Variants in KMT2E observed in about 807,000 individuals in gnomAD.
KMT2E encodes histone reader KMT2E.
Under a neutral mutation model 184.6 loss-of-function variants are expected in KMT2E, and 30 were observed. The ratio of observed to expected loss-of-function variants is 0.16; its 90% confidence interval spans 0.12 to 0.22. KMT2E has a LOEUF of 0.22. Ranked by LOEUF, KMT2E falls within the 10% of genes least tolerant of loss-of-function variation. The pLI is 1.00. For synonymous variants in KMT2E, 815 were observed against 776.5 expected (o/e 1.05, Z -0.82); for missense variants, 2,023 against 2,237.4 (o/e 0.90, Z 1.93).
intron 4 of KMT2E, 81 bp downstream of exon 4, chr7:105,062,359 C>T (rs575436852): frequency 2.4e-4 from 201 of 834,898 alleles, no homozygotes; most frequent in Non-Finnish European, 3.6e-4. Context: ...GTGCTTGAAA[C>T]GGCATGTTTG....
At chr7:105,066,255 A>T (rs117431849) in intron 5 of KMT2E, among the ~76,000 whole-genome samples, 5 of 152,036 alleles carry the variant, frequency 3.3e-5, no homozygotes, top group Non-Finnish European at 7.4e-5. Flanking sequence ...ACCTCCTTCT[A>T]TTTCTCAAAA....
intron 6 of KMT2E, among the ~76,000 whole-genome samples, chr7:105,071,604 ATATATT>A (rs1797315214): frequency 1.5e-5 from 1 of 65,230 alleles, no homozygotes; most frequent in Non-Finnish European, 2.8e-5. Context: ...ATATATATAT[ATATATT>A]TTTTTTTTTT....
At chr7:105,036,194 T>G (rs940259242) in intron 1 of KMT2E, among the ~76,000 whole-genome samples, 4 of 151,184 alleles carry the variant, frequency 2.6e-5, no homozygotes, top group Admixed American at 6.6e-5. Context: ...TTTGTTTTTT[T>G]TTTTGGCAGA....
chr7:105,091,284 G>A lies in KMT2E; in HGVS notation c.1692G>A (p.Glu564=). 1 of 1,605,798 alleles carries A rather than the reference G, an allele frequency of 6.2e-7. No homozygotes were observed. Among genetic ancestry groups the A allele is most frequent in the Non-Finnish European group, 8.5e-7 (1 of 1,172,554 alleles). The change falls in exon 15 of 27, where the codon GAG becomes GAA. Residue 564 remains glutamate (E), a synonymous_variant. Coordinates refer to ENST00000311117, the MANE Select transcript of KMT2E (RefSeq NM_182931.3). ...GTAATGAAGTAGAAATGGAATCAGA[G>A]GAGCAGATTGCAGAAAGGAAAAGGA... The part of the protein sequence containing the change: ...PISNEVEMES[E]EQIAERKRKM...
chr7:105,088,197 C>T (rs1238548152), intron 13 of KMT2E, among the ~76,000 whole-genome samples: 2 of 152,192 alleles, frequency 1.3e-5, no homozygotes. Flanking sequence ...GGACCAATTT[C>T]TTCATCACTT....
intron 1 of KMT2E, among the ~76,000 whole-genome samples, chr7:105,035,264 C>G (rs1795596408): frequency 6.6e-6 from 1 of 151,520 alleles, no homozygotes. Flanking sequence ...GATCTCCTGA[C>G]CGTGTGATCT....
chr7:105,018,844 G>T (rs1794826912), intron 1 of KMT2E, among the ~76,000 whole-genome samples: 1 of 152,026 alleles, frequency 6.6e-6, no homozygotes, highest in Non-Finnish European at 1.5e-5. Flanking sequence ...TTAACATGGA[G>T]GAACAGTATT....
intron 3 of KMT2E, among the ~76,000 whole-genome samples, chr7:105,042,281 A>G (rs1795914008): frequency 6.6e-6 from 1 of 152,148 alleles, no homozygotes; most frequent in African/African-American, 2.4e-5. Context: ...ATGAACCACC[A>G]TGCCCAGCCA....
intron 5 of KMT2E, among the ~76,000 whole-genome samples, chr7:105,065,934 G>T (rs529696886): frequency 2.2e-4 from 34 of 152,282 alleles, no homozygotes; most frequent in Non-Finnish European, 3.7e-4. Context: ...TGAGAAATTT[G>T]CCTCAAACTG....
chr7:105,015,878 G>T (rs1794696478), intron 1 of KMT2E, among the ~76,000 whole-genome samples: 2 of 150,056 alleles, frequency 1.3e-5, no homozygotes. Flanking sequence ...AATTTGATTC[G>T]TTTTTCCTGA....
intron 5 of KMT2E, among the ~76,000 whole-genome samples, chr7:105,065,234 G>C (rs934062041): frequency 6.6e-6 from 1 of 152,126 alleles, no homozygotes; most frequent in Non-Finnish European, 1.5e-5. Flanking sequence ...TTTGAAGTCT[G>C]ACATCCACAG....
intron 1 of KMT2E, among the ~76,000 whole-genome samples, chr7:105,022,346 A>T (rs1794989028): frequency 6.6e-6 from 1 of 151,924 alleles, no homozygotes; most frequent in African/African-American, 2.4e-5. Flanking sequence ...CTTTCATGAC[A>T]TTGGAAGGCT....
At chr7:105,036,174 GGTTTTTTTTTTT>G (rs974480017) in intron 1 of KMT2E, among the ~76,000 whole-genome samples, 3 of 143,630 alleles carry the variant, frequency 2.1e-5, no homozygotes, top group South Asian at 2.2e-4. Flanking sequence ...TTGTTCTTTT[GGTTTTTTTTTTT>G]GTTTTTTTTT....
chr7:105,091,140 CATTAAAATAGTTTA>C (rs1207204448), intron 14 of KMT2E, 62 bp from the exon 15 acceptor site: 3 of 665,588 alleles, frequency 4.5e-6, no homozygotes, highest in African/African-American at 1.8e-5. Flanking sequence ...GGTTGAAAGA[CATTAAAATAGTTTA>C]ATGTCACTAG....
chr7:105,069,368 C>G (rs1046611761), intron 6 of KMT2E, among the ~76,000 whole-genome samples: 2 of 152,202 alleles, frequency 1.3e-5, no homozygotes, highest in Admixed American at 1.3e-4. Flanking sequence ...TAGAATATCT[C>G]ACAATTGGTT....
At chr7:105,109,932 T>C (rs1799121843) in intron 23 of KMT2E, among the ~76,000 whole-genome samples, 1 of 150,292 alleles carries the variant, frequency 6.7e-6, no homozygotes, top group Non-Finnish European at 1.5e-5. Flanking sequence ...CAAGCTCCAC[T>C]TCCCAAGTTC....
intron 14 of KMT2E, among the ~76,000 whole-genome samples, chr7:105,091,007 T>TCAA (rs1798180207): frequency 6.6e-6 from 1 of 152,212 alleles, no homozygotes; most frequent in African/African-American, 2.4e-5. Context: ...AAAACTTGAT[T>TCAA]GGCTAAAATT....
intron 6 of KMT2E, among the ~76,000 whole-genome samples, chr7:105,071,580 GTGTATATATATATATATATA>G (rs1340236033): frequency 3.1e-5 from 2 of 64,968 alleles, no homozygotes; most frequent in African/African-American, 7.2e-5. Flanking sequence ...GTATGTGTGT[GTGTATATATATATATATATA>G]TATATATATT....
At chr7:105,063,694 T>G (rs1262843976) in intron 5 of KMT2E, 114 bp downstream of exon 5, 1 of 686,898 alleles carries the variant, frequency 1.5e-6, no homozygotes, top group East Asian at 2.9e-5. Flanking sequence ...ATATTTTAAG[T>G]GGGACTTCTA....
Sources: gnomAD v4.1 joint callset for allele counts (sites outside exome capture counted in the v4.1 genomes callset) on GRCh38, gnomAD v4.1.1 for gene constraint, MANE v1.5 for transcripts, NCBI Gene and HGNC (gene_info 2026-07-23, HGNC 2026-07-21) for gene names.